The following EFCAB14 variants were observed in gnomAD, a reference collection of about 807,000 sequenced individuals.
EFCAB14 encodes EF-hand calcium-binding domain-containing protein 14.
EFCAB14 carries 43 observed loss-of-function variants against 56.5 expected under a neutral mutation model. The observed-to-expected ratio is 0.76, with a 90% CI of 0.60 to 0.98. The LOEUF is 0.98. EFCAB14 is among the 50% of genes least tolerant of loss of function. The probability of loss-of-function intolerance (pLI) is 0.00; values close to 1 mark genes in which losing one functional copy is unlikely to be tolerated. For missense variants in EFCAB14, 538 were observed against 580.3 expected (o/e 0.93, Z 0.75); for synonymous variants, 235 against 212.9 (o/e 1.10, Z -0.90).
intron 8 of EFCAB14, 107 bp from the exon 9 acceptor site, chr1:46,684,709 A>C: frequency 1.2e-6 from 1 of 833,160 alleles, no homozygotes. Flanking sequence ...GACCCTCAGT[A>C]GGTTCCCTAT....
At chr1:46,714,731 A>C (rs1677361452) in intron 2 of EFCAB14, among the ~76,000 whole-genome samples, 1 of 151,726 alleles carries the variant, frequency 6.6e-6, no homozygotes, top group African/African-American at 2.4e-5. Flanking sequence ...GAGCCCATGA[A>C]GTCAAGGCTG....
At chr1:46,701,185 C>T (rs775894500) in intron 3 of EFCAB14, among the ~76,000 whole-genome samples, 34 of 152,208 alleles carry the variant, frequency 2.2e-4, no homozygotes, top group Non-Finnish European at 4.0e-4. Context: ...CGCCACATAA[C>T]TTTGCAAAGG....
intron 3 of EFCAB14, among the ~76,000 whole-genome samples, chr1:46,703,308 C>T (rs537174817): frequency 2.0e-5 from 3 of 152,284 alleles, no homozygotes; most frequent in African/African-American, 7.2e-5. Flanking sequence ...CAAGGTTTCA[C>T]CATGTTGGCC....
intron 8 of EFCAB14, chr1:46,685,101 CT>C (rs1454344043): frequency 7.2e-5 from 11 of 152,592 alleles, no homozygotes; most frequent in Admixed American, 2.0e-4. Context: ...TTCCCCTGAT[CT>C]TTCCTCTGTT....
chr1:46,698,916 G>C (rs1208356609), intron 3 of EFCAB14, among the ~76,000 whole-genome samples: 1 of 152,130 alleles, frequency 6.6e-6, no homozygotes, highest in Non-Finnish European at 1.5e-5. Context: ...AGTAGAAATG[G>C]AGAGACCAGT....
chr1:46,704,996 T>C (rs1250674134), intron 3 of EFCAB14, among the ~76,000 whole-genome samples: 1 of 152,106 alleles, frequency 6.6e-6, no homozygotes, highest in Non-Finnish European at 1.5e-5. Flanking sequence ...CCAGTTTGAA[T>C]TGCTTCTAAA....
At chr1:46,695,907 T>C (rs922906051) in intron 4 of EFCAB14, among the ~76,000 whole-genome samples, 2 of 152,100 alleles carry the variant, frequency 1.3e-5, no homozygotes, top group Non-Finnish European at 2.9e-5. Context: ...CTGTAATTCC[T>C]GGGTTCAAGT....
chr1:46,682,767 T>C (rs1318316279), intron 10 of EFCAB14, among the ~76,000 whole-genome samples: 6 of 152,242 alleles, frequency 3.9e-5, no homozygotes, highest in Non-Finnish European at 8.8e-5. Context: ...TTTGTGCTTG[T>C]AATCCCAGCA....
rs190727469 is a variant in EFCAB14 at position 46,718,443 on chromosome 1, A to G, written c.-356T>C. 42 of 177,098 alleles carry G rather than the reference A, an allele frequency of 2.4e-4. No homozygotes were observed. Among genetic ancestry groups the G allele is most frequent in the Middle Eastern group, 2.7e-3 (1 of 376 alleles). 11.0% of individuals were successfully genotyped at this position (177,098 alleles called of 1,614,324 possible). On this transcript the variant is annotated 5_prime_UTR_variant, in exon 1 of 11. Coordinates refer to ENST00000371933, the MANE Select transcript of EFCAB14 (RefSeq NM_014774.3). ...CAAAAATGAAGGATTCTCAGCCCGG[A>G]TAAGTAGGCAATACTTCTAAGGGTG...
intron 3 of EFCAB14, among the ~76,000 whole-genome samples, chr1:46,704,196 T>C (rs1330626119): frequency 2.6e-5 from 4 of 151,644 alleles, no homozygotes; most frequent in East Asian, 4.0e-4. Flanking sequence ...CTCACATGTG[T>C]AATCCCAGCA....
In EFCAB14 at chr1:46,691,894, G is replaced by A. The variant is rs368573800; in HGVS notation, c.623C>T (p.Ala208Val). 6.2e-6 allele frequency: 10 copies of A among 1,613,400 alleles called. No homozygotes were observed. Among genetic ancestry groups the A allele is most frequent in the Middle Eastern group, 1.6e-4 (1 of 6,078 alleles). The change falls in exon 5 of 11, where the codon GCT (alanine) becomes GTT (valine). Residue 208 changes from alanine (A) to valine (V), a missense_variant. By Grantham distance (64) the Ala-to-Val change is moderately conservative. Transcript: ENST00000371933. The stretch of plus-strand genomic sequence containing the variant: ...CACAGTTTTCTGTAGTGCTTCCACA[G>A]CAAGATGGACGCTGTTTAAAGTATT... ...IGNTLNSVHLAVEALQKTVDE... is the reference protein window; with the variant it reads ...IGNTLNSVHLVVEALQKTVDE...
chr1:46,684,554 G>A lies in EFCAB14; in HGVS notation c.1123C>T (p.Gln375Ter), dbSNP rs1279984164. 3 of 1,613,848 alleles carry A rather than the reference G, an allele frequency of 1.9e-6. No individual in the cohort carries two copies. Among genetic ancestry groups the A allele is most frequent in the Non-Finnish European group, 2.5e-6 (3 of 1,179,946 alleles). ...TTGTTTGTAAGAGCACTGATCAGCTGGAGTTTCTCTCTTAGCTTGGATACC... is the reference window on the plus strand; with the variant it reads ...TTGTTTGTAAGAGCACTGATCAGCTAGAGTTTCTCTCTTAGCTTGGATACC... ...SQVSKLREKL[Q>*]LISALTNKPE... is the part of the protein sequence containing the mutation. The change falls in exon 9 of 11, where the codon CAG (glutamine) becomes TAG (stop). Residue 375 changes from glutamine to a stop codon, truncating the protein, a stop_gained. Coordinates refer to ENST00000371933, the MANE Select transcript of EFCAB14 (RefSeq NM_014774.3). LOFTEE classifies it high-confidence loss of function.
intron 3 of EFCAB14, among the ~76,000 whole-genome samples, chr1:46,699,021 G>A (rs1257877540): frequency 1.3e-5 from 2 of 152,148 alleles, no homozygotes; most frequent in Non-Finnish European, 1.5e-5. Flanking sequence ...GATACGATTT[G>A]CTGGGACTGG....
chr1:46,691,095 T>C (rs1057466681), intron 5 of EFCAB14, among the ~76,000 whole-genome samples: 17 of 152,288 alleles, frequency 1.1e-4, no homozygotes, highest in African/African-American at 4.1e-4. Flanking sequence ...GATTAAGGCC[T>C]CCAAATGACT....
chr1:46,716,516 G>C (rs1426112892), intron 1 of EFCAB14, 73 bp from the exon 2 acceptor site: 1 of 1,530,592 alleles, frequency 6.5e-7, no homozygotes, highest in African/African-American at 1.4e-5. Context: ...AATAGTACAC[G>C]TTTTGCCATG....
intron 4 of EFCAB14, among the ~76,000 whole-genome samples, chr1:46,693,524 G>T (rs1359927167): frequency 2.0e-5 from 3 of 152,102 alleles, no homozygotes; most frequent in Non-Finnish European, 4.4e-5. Context: ...ATCTAAGCTG[G>T]TTTGCTATCT....
rs920057963 is a variant in EFCAB14, at chr1:46,686,573, C to T, written c.1074+211G>A. On this transcript the variant is annotated intron_variant, in intron 8 of 10. Transcript: ENST00000371933. ...ACATGTCTGCCTTGCTCACTATGGT[C>T]CCCCCAGCTCCTACTAAAGTGTTTG... 3 of 554,942 alleles carry T rather than the reference C, an allele frequency of 5.4e-6. No homozygotes were observed. The Admixed American group carries it at 9.6e-5, about 18-fold the overall frequency. 34.4% of individuals were successfully genotyped at this position (554,942 alleles called of 1,614,324 possible).
At chr1:46,692,471 C>T (rs1394945812) in intron 4 of EFCAB14, among the ~76,000 whole-genome samples, 6 of 152,180 alleles carry the variant, frequency 3.9e-5, no homozygotes, top group East Asian at 3.8e-4. Flanking sequence ...GCTTTCTAAT[C>T]GCCATAATAC....
intron 2 of EFCAB14, among the ~76,000 whole-genome samples, chr1:46,712,340 C>G (rs934756609): frequency 1.3e-5 from 2 of 152,078 alleles, no homozygotes; most frequent in African/African-American, 4.8e-5. Context: ...AGTGGAGTGA[C>G]AGAAAAGGAT....
Sources: allele counts gnomAD v4.1 joint callset (sites outside exome capture counted in the v4.1 genomes callset), GRCh38; gene constraint gnomAD v4.1.1; transcripts MANE v1.5; gene names NCBI Gene and HGNC (gene_info 2026-07-23, HGNC 2026-07-21).